Variants in KCNMA1 observed in about 807,000 individuals in gnomAD.
KCNMA1 encodes the protein potassium calcium-activated channel subfamily M alpha 1.
In KCNMA1, 29 loss-of-function variants were observed where a neutral mutation model predicts 140.0. The ratio of observed to expected loss-of-function variants is 0.21; its 90% CI spans 0.15 to 0.28. The LOEUF (loss-of-function observed/expected upper bound fraction) is 0.28, where lower values mean the gene tolerates loss of function less well. KCNMA1 is among the 10% of genes least tolerant of loss of function. KCNMA1 has a pLI of 1.00. For synonymous variants in KCNMA1, 612 were observed against 611.9 expected (o/e 1.00, Z 0.00); for missense variants, 880 against 1,602.2 (o/e 0.55, Z 7.70).
intron 5 of KCNMA1, among the ~76,000 whole-genome samples, chr10:77,122,296 T>C (rs1053539115): frequency 6.6e-6 from 1 of 152,242 alleles, no homozygotes; most frequent in Non-Finnish European, 1.5e-5. Flanking sequence ...TAATTTCTCA[T>C]CTGAAAAGGA....
intron 21 of KCNMA1, among the ~76,000 whole-genome samples, chr10:76,950,790 A>C (rs2152958989): frequency 6.6e-6 from 1 of 152,354 alleles, no homozygotes; most frequent in East Asian, 1.9e-4. Flanking sequence ...TCATTAGAAT[A>C]AAGCAGGGGC....
intron 9 of KCNMA1, among the ~76,000 whole-genome samples, chr10:77,099,606 C>T (rs985539456): frequency 7.3e-5 from 11 of 151,506 alleles, no homozygotes; most frequent in East Asian, 1.9e-4. Flanking sequence ...CCCAGCTACT[C>T]GAGGGGCTGA....
In KCNMA1 at chr10:77,000,857, AATATAT is replaced by A. The variant is rs56359933; in HGVS notation, c.2266+544_2266+549del. Among the ~76,000 whole-genome samples the A allele has an allele frequency of 1.0e-2, 366 of 36,618 alleles. 4 individuals are homozygous for A. The highest frequency in any genetic ancestry group is 0.018 in the African/African-American group (195 of 10,846). 24.0% of individuals were successfully genotyped at this position (36,618 alleles called of 152,430 possible). On this transcript the variant is annotated intron_variant, in intron 19 of 27. Transcript: ENST00000286628. ...GGTTAGAGAGACATAGTAAAAAGAA[AATATAT>A]ATATATATATATATATATATATATA...
At chr10:77,023,588 T>C (rs1319894124) in intron 16 of KCNMA1, among the ~76,000 whole-genome samples, 1 of 152,178 alleles carries the variant, frequency 6.6e-6, no homozygotes, top group African/African-American at 2.4e-5. Context: ...AGAGGCTTCT[T>C]TGATCACACA....
intron 1 of KCNMA1, among the ~76,000 whole-genome samples, chr10:77,549,133 C>T (rs760501001): frequency 5.3e-5 from 8 of 152,174 alleles, no homozygotes; most frequent in Admixed American, 2.0e-4. Context: ...TTAACCTCAC[C>T]ATCACAGAGA....
intron 1 of KCNMA1, among the ~76,000 whole-genome samples, chr10:77,601,522 G>T (rs141526043): frequency 2.0e-5 from 3 of 152,128 alleles, no homozygotes; most frequent in African/African-American, 7.2e-5. Context: ...CTTTATACCC[G>T]TGGATTACAT....
intron 2 of KCNMA1, among the ~76,000 whole-genome samples, chr10:77,377,332 C>T (rs2095188662): frequency 6.6e-6 from 1 of 152,132 alleles, no homozygotes; most frequent in Admixed American, 6.5e-5. Context: ...ACAAAGATGA[C>T]CTCTGGGGGA....
chr10:77,608,756 T>G (rs1222105297), intron 1 of KCNMA1, among the ~76,000 whole-genome samples: 1 of 152,200 alleles, frequency 6.6e-6, no homozygotes, highest in Non-Finnish European at 1.5e-5. Context: ...AACTGCTTTA[T>G]TTAACATCTC....
intron 1 of KCNMA1, among the ~76,000 whole-genome samples, chr10:77,572,782 C>T (rs1381356566): frequency 6.7e-6 from 1 of 149,410 alleles, no homozygotes; most frequent in African/African-American, 2.5e-5. Context: ...CAATAACATG[C>T]ACACACTGCA....
intron 14 of KCNMA1, among the ~76,000 whole-genome samples, chr10:77,041,755 A>G (rs142014534): frequency 5.8e-4 from 88 of 152,272 alleles, no homozygotes; most frequent in African/African-American, 2.1e-3. Context: ...CAGTGGGGGC[A>G]TGGGTAAGAG....
chr10:77,371,795 C>T (rs905417297), intron 2 of KCNMA1, among the ~76,000 whole-genome samples: 4 of 152,178 alleles, frequency 2.6e-5, no homozygotes, highest in Non-Finnish European at 5.9e-5. Context: ...TCCTGGGAAC[C>T]CTGGAAAATC....
intron 1 of KCNMA1, among the ~76,000 whole-genome samples, chr10:77,530,394 G>A (rs1364813580): frequency 6.6e-6 from 1 of 152,186 alleles, no homozygotes; most frequent in Non-Finnish European, 1.5e-5. Context: ...TAAAAAAATT[G>A]TCTAAGTCTA....
intron 1 of KCNMA1, among the ~76,000 whole-genome samples, chr10:77,514,991 G>T (rs1303586368): frequency 2.0e-5 from 3 of 152,002 alleles, no homozygotes; most frequent in Non-Finnish European, 2.9e-5. Flanking sequence ...CAGCTGTCCT[G>T]CAGCAGATGA....
chr10:77,495,411 G>A (rs927388199), intron 1 of KCNMA1, among the ~76,000 whole-genome samples: 25 of 152,118 alleles, frequency 1.6e-4, no homozygotes, highest in Non-Finnish European at 2.5e-4. Context: ...GGTCCACCTC[G>A]GTCACGACAC....
chr10:77,224,592 C>A (rs1035206386), intron 3 of KCNMA1, among the ~76,000 whole-genome samples: 3 of 152,184 alleles, frequency 2.0e-5, no homozygotes, highest in African/African-American at 7.2e-5. Flanking sequence ...CCCACTCAGG[C>A]ACCAGCTCCT....
In KCNMA1 at chr10:77,490,711, C is replaced by T. The variant is rs576985804; in HGVS notation, c.379-86688G>A. Among the ~76,000 whole-genome samples the T allele has an allele frequency of 5.8e-4, 89 of 152,266 alleles. 1 individual carries two copies. Among genetic ancestry groups the T allele is most frequent in the Admixed American group, 2.6e-3 (40 of 15,300 alleles). ...TCACAGACTCTGCCTGTGCTCTTTC[C>T]AACACAGAAACAGTCTATTTACATA... is the stretch of plus-strand genomic sequence containing the variant. On this transcript the variant is annotated intron_variant, in intron 1 of 27. Coordinates refer to ENST00000286628, the MANE Select transcript of KCNMA1 (RefSeq NM_001161352.2).
intron 23 of KCNMA1, among the ~76,000 whole-genome samples, chr10:76,926,287 T>C (rs2057668056): frequency 6.6e-6 from 1 of 152,194 alleles, no homozygotes; most frequent in South Asian, 2.1e-4. Flanking sequence ...GTTTGGGTCC[T>C]GCCTCTTTCT....
At chr10:77,569,215 C>T (rs1827659779) in intron 1 of KCNMA1, among the ~76,000 whole-genome samples, 1 of 83,008 alleles carries the variant, frequency 1.2e-5, no homozygotes, top group Admixed American at 1.4e-4. Context: ...TGACTTTCTT[C>T]ACAGAATTGG....
rs558178006 is a variant in KCNMA1 at position 77,189,828 on chromosome 10, A to G, written c.603-4912T>C. Among the ~76,000 whole-genome samples the G allele has an allele frequency of 3.9e-5, 6 of 152,278 alleles. No individual in the cohort carries two copies. In the South Asian group the frequency reaches 1.2e-3, roughly 32 times the overall value. ...TCAATGCAATAAGCCTAATGATTCT[A>G]GACTCTTTTCCTAGTCTCACCTCTG... On this transcript the variant is annotated intron_variant, in intron 3 of 27. Coordinates refer to ENST00000286628, the MANE Select transcript of KCNMA1 (RefSeq NM_001161352.2).
Sources: allele counts gnomAD v4.1 joint callset (sites outside exome capture counted in the v4.1 genomes callset), GRCh38; gene constraint gnomAD v4.1.1; transcripts MANE v1.5; gene names NCBI Gene and HGNC (gene_info 2026-07-23, HGNC 2026-07-21).